ADAMTS17: variants seen among roughly 807,000 people sequenced by gnomAD.
The protein encoded by ADAMTS17 is A disintegrin and metalloproteinase with thrombospondin motifs 17.
Under a neutral mutation model 141.5 loss-of-function variants are expected in ADAMTS17, and 113 were observed. The ratio of observed to expected loss-of-function variants is 0.80; its 90% CI spans 0.69 to 0.93. The LOEUF (loss-of-function observed/expected upper bound fraction) is 0.93, where lower values mean the gene tolerates loss of function less well. ADAMTS17 is among the 40% of genes least tolerant of loss of function. The probability of loss-of-function intolerance (pLI) is 0.00; values close to 1 mark genes in which losing one functional copy is unlikely to be tolerated. For missense variants in ADAMTS17, 1,659 were observed against 1,517.9 expected (o/e 1.09, Z -1.54); for synonymous variants, 768 against 630.6 (o/e 1.22, Z -3.27).
At chr15:100,341,625 C>T (rs1430039393) in intron 1 of ADAMTS17, among the ~76,000 whole-genome samples, 196 bp downstream of exon 1, 12 of 150,468 alleles carry the variant, frequency 8.0e-5, no homozygotes, top group Admixed American at 3.3e-4. Context: ...CGCGCATCGG[C>T]GAGCGGAGAC....
At chr15:100,073,727 T>C (rs185214149) in intron 15 of ADAMTS17, among the ~76,000 whole-genome samples, 5,564 of 121,022 alleles carry the variant, frequency 0.046, 370 homozygotes, top group African/African-American at 0.17. Context: ...AACACATGGA[T>C]ACAGGAAGGG....
At chr15:100,043,359 G>C (rs1236401722) in intron 18 of ADAMTS17, among the ~76,000 whole-genome samples, 1 of 152,110 alleles carries the variant, frequency 6.6e-6, no homozygotes, top group Non-Finnish European at 1.5e-5. Flanking sequence ...TAAGGAAGTG[G>C]GAAAGAGAAG....
At chr15:100,214,108 C>T (rs2041894225) in intron 7 of ADAMTS17, among the ~76,000 whole-genome samples, 1 of 152,188 alleles carries the variant, frequency 6.6e-6, no homozygotes, top group Non-Finnish European at 1.5e-5. Flanking sequence ...TCTCAGTTAT[C>T]TGGCGCCCTC....
rs78925400 is a variant in ADAMTS17 at position 100,226,704 on chromosome 15, C to T, written c.1076-27281G>A. The stretch of plus-strand genomic sequence containing the variant: ...CATAAAAGACCTCAGAGGATGATCT[C>T]GGTTGGCATTTTACCTTGTGGATGC... On this transcript the variant is annotated intron_variant, in intron 7 of 21. Transcript: ENST00000268070. 1.7e-4 allele frequency among the ~76,000 whole-genome samples: 26 copies of T among 152,270 alleles called. No homozygotes were observed. In the East Asian group the frequency reaches 4.2e-3, roughly 25 times the overall value.
At chr15:100,191,601 A>C (rs569627355) in intron 8 of ADAMTS17, among the ~76,000 whole-genome samples, 1 of 152,236 alleles carries the variant, frequency 6.6e-6, no homozygotes, top group Admixed American at 6.5e-5. Flanking sequence ...AGAGCAATGC[A>C]GTTTCTCTGC....
intron 8 of ADAMTS17, among the ~76,000 whole-genome samples, chr15:100,161,316 C>A (rs935601048): frequency 5.9e-5 from 9 of 152,194 alleles, no homozygotes; most frequent in Non-Finnish European, 1.0e-4. Context: ...CTTTACCTGG[C>A]TCTGACCGTA....
chr15:100,087,922 G>C (rs62043222), intron 15 of ADAMTS17, among the ~76,000 whole-genome samples: 35,772 of 152,076 alleles, frequency 0.24, 4,698 homozygotes, highest in East Asian at 0.59. Flanking sequence ...CCTTTGAAAA[G>C]TGGCACAAGA....
At chr15:99,999,915 A>G (rs1400220527) in intron 18 of ADAMTS17, among the ~76,000 whole-genome samples, 1 of 152,112 alleles carries the variant, frequency 6.6e-6, no homozygotes, top group Non-Finnish European at 1.5e-5. Flanking sequence ...CTAAGTTCCA[A>G]TCCTCTTGGC....
At chr15:100,305,894 T>C (rs913851763) in intron 3 of ADAMTS17, 4 of 152,280 alleles carry the variant, frequency 2.6e-5, no homozygotes, top group Admixed American at 1.3e-4. Flanking sequence ...ATTGTACATT[T>C]GAATATATTC....
chr15:100,311,559 C>T (rs1054430862), intron 3 of ADAMTS17, among the ~76,000 whole-genome samples: 3 of 152,140 alleles, frequency 2.0e-5, no homozygotes, highest in African/African-American at 4.8e-5. Flanking sequence ...GTGGGGCGGG[C>T]GTGTGTTGCA....
intron 20 of ADAMTS17, among the ~76,000 whole-genome samples, chr15:99,983,569 G>A (rs1307345082): frequency 6.6e-6 from 1 of 152,210 alleles, no homozygotes; most frequent in Non-Finnish European, 1.5e-5. Flanking sequence ...ATTAGCGAGA[G>A]GAGGCTGTAA....
intron 18 of ADAMTS17, among the ~76,000 whole-genome samples, chr15:100,032,823 T>C (rs1477992633): frequency 6.6e-6 from 1 of 152,138 alleles, no homozygotes; most frequent in Non-Finnish European, 1.5e-5. Context: ...TAAAATGAGG[T>C]GAATACGTCG....
rs369373671 is a variant in ADAMTS17 at position 100,267,429 on chromosome 15, T to C, written c.790-4994A>G. On this transcript the variant is annotated intron_variant, in intron 4 of 21. Coordinates refer to ENST00000268070, the MANE Select transcript of ADAMTS17 (RefSeq NM_139057.4). ...ATCGTTCGGCCATTGTGAGTAATGC[T>C]GCTGTGAACACGGGTGTACAGATAC... 4.5e-4 allele frequency among the ~76,000 whole-genome samples: 68 copies of C among 152,376 alleles called. 1 individual carries two copies. The South Asian group carries it at 0.013, about 30-fold the overall frequency.
At chr15:99,983,641 C>CT (rs1431135876) in intron 20 of ADAMTS17, among the ~76,000 whole-genome samples, 2 of 152,096 alleles carry the variant, frequency 1.3e-5, no homozygotes, top group African/African-American at 4.8e-5. Flanking sequence ...GCTCTGCTTC[C>CT]TGCAGAGTGG....
At chr15:99,992,179 T>TAA (rs111589454) in intron 20 of ADAMTS17, among the ~76,000 whole-genome samples, 1 of 149,620 alleles carries the variant, frequency 6.7e-6, no homozygotes. Context: ...CCTCAGAACT[T>TAA]AAAAAAAAAA....
intron 6 of ADAMTS17, among the ~76,000 whole-genome samples, chr15:100,258,865 G>T (rs569086973): frequency 2.0e-5 from 3 of 152,156 alleles, no homozygotes; most frequent in Non-Finnish European, 4.4e-5. Flanking sequence ...TGCATTGAGG[G>T]TGCGTCATGA....
At chr15:100,052,696 A>G (rs2032241709) in intron 16 of ADAMTS17, among the ~76,000 whole-genome samples, 1 of 152,180 alleles carries the variant, frequency 6.6e-6, no homozygotes, top group Admixed American at 6.5e-5. Flanking sequence ...GAATAGGAGG[A>G]TTTGTTCTGA....
Position 100,136,349 on chromosome 15 carries a change from G to A in ADAMTS17, c.1474-3034C>T, listed in dbSNP as rs889060660. Among the ~76,000 whole-genome samples, 5 of 152,346 alleles carry A rather than the reference G, an allele frequency of 3.3e-5. No individual in the cohort carries two copies. The South Asian group carries it at 1.0e-3, about 32-fold the overall frequency. On this transcript the variant is annotated intron_variant, in intron 10 of 21. Coordinates refer to ENST00000268070, the MANE Select transcript of ADAMTS17 (RefSeq NM_139057.4). ...AGAAAACGGGAATGACAGCAAAGGAGAAGTTAGCACTGCAGCGTCTCATCC... is the reference window on the plus strand; with the variant it reads ...AGAAAACGGGAATGACAGCAAAGGAAAAGTTAGCACTGCAGCGTCTCATCC...
intron 3 of ADAMTS17, among the ~76,000 whole-genome samples, chr15:100,291,124 C>T (rs941551136): frequency 2.0e-5 from 3 of 152,164 alleles, no homozygotes; most frequent in Non-Finnish European, 2.9e-5. Context: ...ATCTAATATA[C>T]AGAATCTATA....
Sources: allele counts gnomAD v4.1 joint callset (sites outside exome capture counted in the v4.1 genomes callset), GRCh38; gene constraint gnomAD v4.1.1; transcripts MANE v1.5; gene names NCBI Gene and HGNC (gene_info 2026-07-23, HGNC 2026-07-21).